The following TBC1D32 variants were observed in gnomAD, a reference collection of about 807,000 sequenced individuals.
The protein encoded by TBC1D32 is protein broad-minded.
TBC1D32 carries 151 observed loss-of-function variants against 170.3 expected under a neutral mutation model. The observed-to-expected ratio is 0.89, with a 90% CI of 0.78 to 1.01. The LOEUF is 1.01. Ranked by LOEUF, TBC1D32 falls within the 50% of genes least tolerant of loss-of-function variation. The pLI is 0.00. For synonymous variants in TBC1D32, 498 were observed against 488.0 expected (o/e 1.02, Z -0.27); for missense variants, 1,464 against 1,457.1 (o/e 1.00, Z -0.08).
intron 10 of TBC1D32, 141 bp from the exon 11 acceptor site, chr6:121,294,801 A>G (rs978579847): frequency 1.5e-5 from 10 of 679,660 alleles, no homozygotes; most frequent in Non-Finnish European, 2.3e-5. Flanking sequence ...TAGCCCTTAA[A>G]GCTCAGCCTC....
Position 121,156,143 on chromosome 6 carries a change from CT to C in TBC1D32, c.2773+3866del, listed in dbSNP as rs200378071. Reference sequence around the variant, plus strand: ...CTGTATGAATCCATCTGGTCCCAGGCTTTTTTTTTTTGGTTGTTAGGCTTTG... The same window carrying C: ...CTGTATGAATCCATCTGGTCCCAGGCTTTTTTTTTTGGTTGTTAGGCTTTG... On this transcript the variant is annotated intron_variant, in intron 24 of 31. Transcript: ENST00000398212. Among the ~76,000 whole-genome samples, 714 of 137,626 alleles carry C rather than the reference CT, an allele frequency of 5.2e-3. 31 individuals are homozygous for C. The East Asian group carries it at 0.11, about 20-fold the overall frequency. 90.3% of individuals were successfully genotyped at this position (137,626 alleles called of 152,430 possible).
rs74630627 is a variant in TBC1D32 at position 121,178,850 on chromosome 6, A to G, written c.2571-17794T>C. 1.5e-3 allele frequency among the ~76,000 whole-genome samples: 233 copies of G among 152,324 alleles called. 1 individual carries two copies. The highest frequency in any genetic ancestry group is 5.4e-3 in the African/African-American group (226 of 41,588). Reference sequence around the variant, plus strand: ...GCAAGAAAATAAAGCCTTCAGTCCTAAATCTGTAAAGAACTAAACTCAGCC... The same window carrying G: ...GCAAGAAAATAAAGCCTTCAGTCCTGAATCTGTAAAGAACTAAACTCAGCC... On this transcript the variant is annotated intron_variant, in intron 22 of 31. Coordinates refer to ENST00000398212, the MANE Select transcript of TBC1D32 (RefSeq NM_152730.6).
chr6:121,303,911 C>A, intron 8 of TBC1D32, 150 bp from the exon 9 acceptor site: 1 of 451,832 alleles, frequency 2.2e-6, no homozygotes, highest in Non-Finnish European at 3.7e-6. Context: ...AATGTTTCTG[C>A]TTTAACTACA....
intron 29 of TBC1D32, among the ~76,000 whole-genome samples, chr6:121,111,598 A>G (rs1171757067): frequency 3.3e-5 from 5 of 152,186 alleles, no homozygotes; most frequent in African/African-American, 9.6e-5. Flanking sequence ...CTCTGTGTTC[A>G]TGGGAGGAAA....
At chr6:121,127,120 T>C (rs2128213248) in intron 25 of TBC1D32, among the ~76,000 whole-genome samples, 1 of 152,312 alleles carries the variant, frequency 6.6e-6, no homozygotes, top group South Asian at 2.1e-4. Flanking sequence ...TAAATAAATT[T>C]GTAGAGTCAA....
chr6:121,242,097 CAGA>C (rs1797059221), intron 18 of TBC1D32, 101 bp downstream of exon 18: 1 of 1,229,740 alleles, frequency 8.1e-7, no homozygotes, highest in African/African-American at 1.5e-5. Context: ...GGTCTTTTAA[CAGA>C]GGCTTAATAA....
intron 12 of TBC1D32, among the ~76,000 whole-genome samples, chr6:121,285,776 C>T (rs1442835261): frequency 6.6e-6 from 1 of 152,176 alleles, no homozygotes; most frequent in Non-Finnish European, 1.5e-5. Context: ...GCCAGGTACT[C>T]CTCTGAGACA....
chr6:121,113,891 T>C (rs1779440759), intron 27 of TBC1D32, among the ~76,000 whole-genome samples: 1 of 152,156 alleles, frequency 6.6e-6, no homozygotes, highest in Non-Finnish European at 1.5e-5. Flanking sequence ...AAAGTCTCTT[T>C]TTAAAGAGAC....
intron 22 of TBC1D32, among the ~76,000 whole-genome samples, chr6:121,194,539 T>C (rs1790481773): frequency 6.6e-6 from 1 of 152,212 alleles, no homozygotes; most frequent in Non-Finnish European, 1.5e-5. Context: ...ATTGTAAGCT[T>C]AACGAAGTGG....
intron 12 of TBC1D32, among the ~76,000 whole-genome samples, chr6:121,288,048 C>G (rs1275580057): frequency 6.6e-6 from 1 of 152,112 alleles, no homozygotes; most frequent in Non-Finnish European, 1.5e-5. Flanking sequence ...CAAGAGAAAT[C>G]AGGAAAGATC....
At chr6:121,143,495 C>G (rs576849198) in intron 24 of TBC1D32, among the ~76,000 whole-genome samples, 1 of 152,222 alleles carries the variant, frequency 6.6e-6, no homozygotes, top group Admixed American at 6.5e-5. Flanking sequence ...CAGAATAAAT[C>G]TAGAAGCTGG....
chr6:121,228,695 T>A (rs906299086), intron 20 of TBC1D32, among the ~76,000 whole-genome samples: 13 of 152,144 alleles, frequency 8.5e-5, no homozygotes, highest in African/African-American at 2.7e-4. Context: ...ACATGCCATG[T>A]GTTCTTGAAA....
chr6:121,126,281 T>G, intron 26 of TBC1D32, 97 bp downstream of exon 26: 4 of 841,000 alleles, frequency 4.8e-6, no homozygotes, highest in Non-Finnish European at 7.4e-6. Flanking sequence ...ATTGTTAGGA[T>G]GAGAAAACTG....
chr6:121,279,367 T>C, intron 14 of TBC1D32, 122 bp from the exon 15 acceptor site: 1 of 1,150,218 alleles, frequency 8.7e-7, no homozygotes, highest in Middle Eastern at 3.0e-4. Flanking sequence ...AAAACAAGCT[T>C]AATGATTTGT....
intron 20 of TBC1D32, among the ~76,000 whole-genome samples, chr6:121,238,113 G>T (rs1933556675): frequency 6.6e-6 from 1 of 152,108 alleles, no homozygotes; most frequent in South Asian, 2.1e-4. Flanking sequence ...TATACACAGA[G>T]TTTGGAGTGT....
chr6:121,283,690 C>G, intron 13 of TBC1D32, 128 bp downstream of exon 13: 1 of 641,070 alleles, frequency 1.6e-6, no homozygotes, highest in Non-Finnish European at 2.7e-6. Flanking sequence ...TGTAATTTCT[C>G]TTAATACTGT....
chr6:121,212,581 G>T (rs530573990), intron 21 of TBC1D32, among the ~76,000 whole-genome samples: 3 of 151,392 alleles, frequency 2.0e-5, no homozygotes, highest in African/African-American at 7.3e-5. Context: ...CAGCATCCTG[G>T]GTAGCTGGGA....
intron 9 of TBC1D32, among the ~76,000 whole-genome samples, chr6:121,300,936 A>G (rs1478709364): frequency 6.6e-6 from 1 of 152,242 alleles, no homozygotes; most frequent in Non-Finnish European, 1.5e-5. Context: ...GACACATGAA[A>G]AAATGCTCAT....
Position 121,279,183 on chromosome 6 carries a change from T to C in TBC1D32, c.1671A>G (p.Ala557=), listed in dbSNP as rs1329068794. 1.2e-6 allele frequency: 2 copies of C among 1,612,192 alleles called. No homozygotes were observed. The highest frequency in any genetic ancestry group is 1.7e-5 in the Admixed American group (1 of 59,630). The change falls in exon 15 of 32, where the codon GCA becomes GCG. Residue 557 remains alanine, a synonymous_variant. Coordinates refer to ENST00000398212, the MANE Select transcript of TBC1D32 (RefSeq NM_152730.6). The part of the protein sequence containing the change: ...IHIAGILARI[A]SVEEGLILLL... ...GTAAAATAAGCCCTTCTTCTACAGA[T>C]GCAATTCTTGCCAAAATACCAGCTA...
Sources: gnomAD v4.1 joint callset for allele counts (sites outside exome capture counted in the v4.1 genomes callset) on GRCh38, gnomAD v4.1.1 for gene constraint, MANE v1.5 for transcripts, NCBI Gene and HGNC (gene_info 2026-07-23, HGNC 2026-07-21) for gene names.